The following KIF27 variants were observed in gnomAD, a reference collection of about 807,000 sequenced individuals.
KIF27 encodes kinesin-like protein KIF27.
Under a neutral mutation model 141.8 loss-of-function variants are expected in KIF27, and 84 were observed. The observed-to-expected ratio is 0.59, with a 90% CI of 0.50 to 0.71. The LOEUF is 0.71. Ranked by LOEUF, KIF27 falls within the 30% of genes least tolerant of loss-of-function variation. The pLI is 0.00. For missense variants in KIF27, 1,306 were observed against 1,628.4 expected, an observed-to-expected ratio of 0.80 and a Z score of 3.41; for synonymous variants, 471 against 569.5, an observed-to-expected ratio of 0.83 and a Z score of 2.46.
Position 83,908,586 on chromosome 9 carries a change from G to C in KIF27, c.365C>G (p.Ser122Cys). Residue 122 changes from serine to cysteine, a missense_variant, in exon 3 of 18, where the codon TCT becomes TGT. Physicochemically the swap from Ser to Cys is moderately radical, Grantham distance 112. Transcript: ENST00000297814. ...ATTAAAGTCAATGCTAGGATGTTCA[G>C]AGATGCTTTGAAATATTTCTTGAAT... ...RAIQEIFQSISEHPSIDFNVK... is the reference protein window; with the variant it reads ...RAIQEIFQSICEHPSIDFNVK... 1 of 1,611,792 alleles carries C rather than the reference G, an allele frequency of 6.2e-7. No homozygotes were observed. The highest frequency in any genetic ancestry group is 1.1e-5 in the South Asian group (1 of 90,794).
chr9:83,912,379 G>A (rs1041345722), intron 2 of KIF27, among the ~76,000 whole-genome samples: 3 of 152,164 alleles, frequency 2.0e-5, no homozygotes, highest in African/African-American at 7.2e-5. Context: ...GCCATCATGT[G>A]GCAAGTAAAG....
intron 13 of KIF27, among the ~76,000 whole-genome samples, chr9:83,861,687 T>C (rs973088411): frequency 3.3e-5 from 5 of 151,818 alleles, no homozygotes; most frequent in African/African-American, 9.7e-5. Context: ...CCTTTGGGTA[T>C]ATACCCAGTA....
chr9:83,860,884 T>C (rs1210452756), intron 13 of KIF27, among the ~76,000 whole-genome samples: 1 of 101,104 alleles, frequency 9.9e-6, no homozygotes, highest in Non-Finnish European at 2.1e-5. Context: ...TGATGGGAGA[T>C]TTTTTTTTTT....
intron 17 of KIF27, among the ~76,000 whole-genome samples, chr9:83,839,159 C>T (rs1946272143): frequency 6.6e-6 from 1 of 151,798 alleles, no homozygotes; most frequent in African/African-American, 2.4e-5. Flanking sequence ...AGCAAGACCC[C>T]AACTCTAAAA....
At position 83,859,326 on chromosome 9, in the gene KIF27, G is replaced by T. The variant is rs201841310; in HGVS notation, c.2980C>A (p.Leu994Met). The change falls in exon 14 of 18, where the codon CTG becomes ATG. Residue 994 changes from leucine to methionine, a missense_variant. Around this residue, in one of 4 missense-constraint regions of KIF27, gnomAD observed 596 missense variants for 751.6 expected, o/e 0.79. Transcript: ENST00000297814. ...SLKISTRLNL[L>M]EQELSEKNVQ... is the part of the protein sequence containing the mutation. Reference sequence around the variant, plus strand: ...TTCTTTTCAGACAACTCTTGTTCCAGTAAGTTCAGGCGAGTTGATATTTTC... The same window carrying T: ...TTCTTTTCAGACAACTCTTGTTCCATTAAGTTCAGGCGAGTTGATATTTTC... The T allele has an allele frequency of 6.1e-5, 98 of 1,613,788 alleles. No homozygotes were observed. Among genetic ancestry groups the T allele is most frequent in the Middle Eastern group, 5.0e-4 (3 of 6,056 alleles).
chr9:83,916,084 C>T (rs574318746), intron 1 of KIF27, among the ~76,000 whole-genome samples: 4 of 152,092 alleles, frequency 2.6e-5, no homozygotes, highest in Non-Finnish European at 4.4e-5. Context: ...TAGGCTGGAA[C>T]GCAGTGGTGA....
intron 11 of KIF27, among the ~76,000 whole-genome samples, chr9:83,872,377 ATGT>A (rs1345573387): frequency 6.6e-6 from 1 of 152,150 alleles, no homozygotes; most frequent in Non-Finnish European, 1.5e-5. Context: ...TTTAGAAATG[ATGT>A]TGTCCATCAC....
chr9:83,875,691 C>T (rs548620246), intron 11 of KIF27, among the ~76,000 whole-genome samples: 4 of 152,018 alleles, frequency 2.6e-5, no homozygotes, highest in Non-Finnish European at 5.9e-5. Context: ...TATAACGTCA[C>T]AAAAGCAAGG....
At chr9:83,839,149 A>G (rs1946270910) in intron 17 of KIF27, among the ~76,000 whole-genome samples, 1 of 152,086 alleles carries the variant, frequency 6.6e-6, no homozygotes. Context: ...TGGGCAACAC[A>G]GCAAGACCCC....
rs1475534050 is a variant in KIF27, at chr9:83,864,017, G to A, written c.2934+3667C>T. Among the ~76,000 whole-genome samples, 8 of 152,114 alleles carry A rather than the reference G, an allele frequency of 5.3e-5. 1 individual carries two copies. Among genetic ancestry groups the A allele is most frequent in the Non-Finnish European group, 8.8e-5 (6 of 68,022 alleles). ...AGTTTGTATTTCTGTGGGATCGGTG[G>A]TGATATCCCCTTTATCATTTTTTAT... On this transcript the variant is annotated intron_variant, in intron 13 of 17. Transcript: ENST00000297814.
chr9:83,868,073 C>A (rs1456032962), intron 12 of KIF27: 2 of 508,836 alleles, frequency 3.9e-6, no homozygotes, highest in Middle Eastern at 5.4e-4. Context: ...AAAATTTACT[C>A]CCCAGATATG....
intron 3 of KIF27, 92 bp from the exon 4 acceptor site, chr9:83,904,110 T>C (rs1954239181): frequency 1.1e-6 from 1 of 871,646 alleles, no homozygotes; most frequent in Non-Finnish European, 1.7e-6. Flanking sequence ...CTGGCCAAGA[T>C]AGTCCCTTTT....
At chr9:83,861,749 A>G (rs927646288) in intron 13 of KIF27, among the ~76,000 whole-genome samples, 1 of 151,392 alleles carries the variant, frequency 6.6e-6, no homozygotes, top group South Asian at 2.1e-4. Flanking sequence ...TTGAGGAATC[A>G]CCACACTGTC....
At chr9:83,914,780 C>G (rs1955527289) in intron 2 of KIF27, among the ~76,000 whole-genome samples, 1 of 152,124 alleles carries the variant, frequency 6.6e-6, no homozygotes, top group South Asian at 2.1e-4. Context: ...CCCTTCAGCT[C>G]TATATGAGAT....
At chr9:83,859,399 C>T in intron 13 of KIF27, 28 bp from the exon 14 acceptor site, 2 of 1,507,316 alleles carry the variant, frequency 1.3e-6, no homozygotes, top group Non-Finnish European at 1.8e-6. Context: ...CCAGCCACCT[C>T]AAAAACAGTT....
chr9:83,846,527 A>G (rs1462243379), intron 16 of KIF27, among the ~76,000 whole-genome samples: 1 of 152,156 alleles, frequency 6.6e-6, no homozygotes, highest in Non-Finnish European at 1.5e-5. Flanking sequence ...TTGAAGTCAC[A>G]ATTACAATGC....
intron 1 of KIF27, among the ~76,000 whole-genome samples, chr9:83,916,285 G>A (rs953825575): frequency 6.6e-5 from 10 of 152,078 alleles, no homozygotes; most frequent in African/African-American, 2.2e-4. Flanking sequence ...CGCCCGCCTC[G>A]GCCTCCCAAG....
chr9:83,865,727 C>G (rs1322482318), intron 13 of KIF27, among the ~76,000 whole-genome samples: 2 of 152,160 alleles, frequency 1.3e-5, no homozygotes, highest in Admixed American at 1.3e-4. Context: ...GCTTCTTGCT[C>G]TATCTCTAAT....
chr9:83,868,608 T>G (rs1950546819), intron 12 of KIF27: 1 of 152,144 alleles, frequency 6.6e-6, no homozygotes, highest in African/African-American at 2.4e-5. Context: ...TATGACTGTT[T>G]AAAAGGAACT....
Sources: allele counts gnomAD v4.1 joint callset (sites outside exome capture counted in the v4.1 genomes callset), GRCh38; gene constraint gnomAD v4.1.1; regional missense constraint gnomAD v4.1.1; transcripts MANE v1.5; gene names NCBI Gene and HGNC (gene_info 2026-07-23, HGNC 2026-07-21).